CDH18: variants seen among roughly 807,000 people sequenced by gnomAD.
CDH18 encodes the protein cadherin 18.
In CDH18, 31 loss-of-function variants were observed where a neutral mutation model predicts 67.9. The observed-to-expected ratio is 0.46, with a 90% CI of 0.34 to 0.62. The LOEUF is 0.62. Among genes scored for constraint, CDH18 ranks in the 20% least tolerant of loss-of-function variants. The probability of loss-of-function intolerance (pLI) is 0.01; values close to 1 mark genes in which losing one functional copy is unlikely to be tolerated. For synonymous variants in CDH18, 362 were observed against 347.2 expected, an observed-to-expected ratio of 1.04 and a Z score of -0.48; for missense variants, 890 against 975.5, an observed-to-expected ratio of 0.91 and a Z score of 1.17.
chr5:20,373,246 A>C (rs1394978636), intron 1 of CDH18, among the ~76,000 whole-genome samples: 17 of 152,196 alleles, frequency 1.1e-4, no homozygotes. Context: ...TCTACATCAG[A>C]GTATGACCTA....
At chr5:19,741,300 TG>T (rs1451207751) in intron 4 of CDH18, among the ~76,000 whole-genome samples, 1 of 141,358 alleles carries the variant, frequency 7.1e-6, no homozygotes, top group Admixed American at 7.6e-5. Flanking sequence ...CATACATATA[TG>T]TACATATATA....
chr5:20,027,021 A>C (rs994036232), intron 2 of CDH18, among the ~76,000 whole-genome samples: 2 of 151,962 alleles, frequency 1.3e-5, no homozygotes, highest in Non-Finnish European at 2.9e-5. Flanking sequence ...TAAAAAAATA[A>C]ATAAATAAAA....
intron 3 of CDH18, among the ~76,000 whole-genome samples, chr5:19,795,715 G>C (rs1776786553): frequency 6.6e-6 from 1 of 151,890 alleles, no homozygotes; most frequent in African/African-American, 2.4e-5. Context: ...CAAGAACGGA[G>C]AAAATTGTAA....
chr5:20,527,488 A>C (rs968198007), intron 1 of CDH18, among the ~76,000 whole-genome samples: 13 of 152,080 alleles, frequency 8.5e-5, no homozygotes, highest in Non-Finnish European at 1.8e-4. Flanking sequence ...TGAAGGAAAA[A>C]ATATTAAAGA....
intron 9 of CDH18, among the ~76,000 whole-genome samples, chr5:19,529,761 T>C (rs1748300277): frequency 6.6e-6 from 1 of 152,114 alleles, no homozygotes; most frequent in South Asian, 2.1e-4. Flanking sequence ...TATGCTGAAT[T>C]CTACATATGT....
chr5:19,926,653 C>T (rs918845729), intron 2 of CDH18, among the ~76,000 whole-genome samples: 12 of 151,982 alleles, frequency 7.9e-5, no homozygotes, highest in Non-Finnish European at 1.6e-4. Context: ...AATTGACTCT[C>T]AAGTATGATT....
At chr5:19,969,257 G>A (rs75778677) in intron 2 of CDH18, among the ~76,000 whole-genome samples, 1 of 132,750 alleles carries the variant, frequency 7.5e-6, no homozygotes, top group African/African-American at 3.7e-5. Flanking sequence ...GACTGTAAAC[G>A]AGTTCAACCA....
chr5:20,083,370 G>T (rs1438538090), intron 2 of CDH18, among the ~76,000 whole-genome samples: 2 of 152,168 alleles, frequency 1.3e-5, no homozygotes, highest in Non-Finnish European at 2.9e-5. Context: ...AGATGCTGTG[G>T]TTTTTTTGTT....
chr5:20,526,434 G>A (rs755583357), intron 1 of CDH18, among the ~76,000 whole-genome samples: 4 of 152,116 alleles, frequency 2.6e-5, no homozygotes, highest in Non-Finnish European at 5.9e-5. Flanking sequence ...CCATAAGGGG[G>A]GCTTTGATCC....
At chr5:20,067,642 G>A (rs915764438) in intron 2 of CDH18, among the ~76,000 whole-genome samples, 2 of 152,018 alleles carry the variant, frequency 1.3e-5, no homozygotes, top group Non-Finnish European at 2.9e-5. Flanking sequence ...GTGTACTGTA[G>A]CAAAGCTACC....
chr5:19,782,060 A>T (rs192160397), intron 3 of CDH18, among the ~76,000 whole-genome samples: 3 of 152,066 alleles, frequency 2.0e-5, no homozygotes, highest in Middle Eastern at 3.5e-3. Context: ...ATGCAAAAAT[A>T]AAAAAAAGCA....
At chr5:20,041,876 C>G (rs1031405198) in intron 2 of CDH18, among the ~76,000 whole-genome samples, 17 of 152,152 alleles carry the variant, frequency 1.1e-4, no homozygotes, top group Admixed American at 7.9e-4. Flanking sequence ...CAATATCACA[C>G]TTGGTAACAG....
intron 2 of CDH18, among the ~76,000 whole-genome samples, chr5:19,860,311 TTA>T (rs1784757233): frequency 6.6e-6 from 1 of 152,120 alleles, no homozygotes; most frequent in Non-Finnish European, 1.5e-5. Context: ...ACATATTTGC[TTA>T]TGTTTTATCC....
At chr5:19,941,841 G>A (rs898781709) in intron 2 of CDH18, among the ~76,000 whole-genome samples, 7 of 151,828 alleles carry the variant, frequency 4.6e-5, no homozygotes, top group Admixed American at 3.9e-4. Flanking sequence ...TAACTCCTAA[G>A]GTATAAAAAA....
chr5:20,326,537 C>CTTTTT (rs372636215), intron 1 of CDH18, among the ~76,000 whole-genome samples: 2 of 134,128 alleles, frequency 1.5e-5, no homozygotes, highest in Non-Finnish European at 3.2e-5. Flanking sequence ...AACATATTTA[C>CTTTTT]TTTTTTTTTT....
chr5:20,476,802 T>C (rs1274041641), intron 1 of CDH18, among the ~76,000 whole-genome samples: 2 of 152,202 alleles, frequency 1.3e-5, no homozygotes, highest in African/African-American at 4.8e-5. Flanking sequence ...GTACTGTCTA[T>C]ACCATGTATC....
At chr5:20,215,216 A>T (rs943750017) in intron 2 of CDH18, among the ~76,000 whole-genome samples, 3 of 151,986 alleles carry the variant, frequency 2.0e-5, no homozygotes, top group Middle Eastern at 3.4e-3. Flanking sequence ...AGCAGTTCCT[A>T]ATGGCCTATT....
chr5:19,841,034 G>A (rs1250678928), intron 2 of CDH18, among the ~76,000 whole-genome samples: 1 of 152,118 alleles, frequency 6.6e-6, no homozygotes, highest in Non-Finnish European at 1.5e-5. Context: ...GAGGAAAGAT[G>A]CTACACAGAT....
chr5:19,493,118 C>A (rs1386316), intron 11 of CDH18, among the ~76,000 whole-genome samples: 53,447 of 151,924 alleles, frequency 0.35, 9,808 homozygotes, highest in African/African-American at 0.45. Context: ...GGTGGAACAG[C>A]CTCTATCCTT....
Sources: gnomAD v4.1 joint callset for allele counts (sites outside exome capture counted in the v4.1 genomes callset) on GRCh38, gnomAD v4.1.1 for gene constraint, MANE v1.5 for transcripts, NCBI Gene and HGNC (gene_info 2026-07-23, HGNC 2026-07-21) for gene names.